The following CHKA variants were observed in gnomAD, a reference collection of about 807,000 sequenced individuals.
The protein encoded by CHKA is choline kinase alpha, also known as CHETK-alpha.
A neutral mutation model predicts 60.1 loss-of-function variants in CHKA; 34 were observed. The observed-to-expected ratio is 0.57, with a 90% CI of 0.43 to 0.75. CHKA has a LOEUF of 0.75. Among genes scored for constraint, CHKA ranks in the 30% least tolerant of loss-of-function variants. CHKA has a pLI of 0.00. For synonymous variants in CHKA, 217 were observed against 223.1 expected (o/e 0.97, Z 0.24); for missense variants, 563 against 561.3 (o/e 1.00, Z -0.03).
intron 2 of CHKA, among the ~76,000 whole-genome samples, chr11:68,088,262 C>T (rs1857249527): frequency 6.6e-6 from 1 of 151,970 alleles, no homozygotes; most frequent in Non-Finnish European, 1.5e-5. Flanking sequence ...GAAACAACTC[C>T]CAGGTCATCG....
At chr11:68,081,151 G>A (rs892100042) in intron 3 of CHKA, among the ~76,000 whole-genome samples, 4 of 152,120 alleles carry the variant, frequency 2.6e-5, no homozygotes, top group African/African-American at 7.2e-5. Flanking sequence ...GCCAACATCC[G>A]AATGCTGTTT....
At chr11:68,070,939 A>G (rs1419765461) in intron 4 of CHKA, 82 bp from the exon 5 acceptor site, 14 of 1,434,332 alleles carry the variant, frequency 9.8e-6, no homozygotes, top group Non-Finnish European at 1.3e-5. Flanking sequence ...AGGAACGAGA[A>G]GTGTTTTTGT....
intron 3 of CHKA, among the ~76,000 whole-genome samples, chr11:68,079,058 C>T (rs1590851224): frequency 6.6e-6 from 1 of 151,438 alleles, no homozygotes; most frequent in East Asian, 1.9e-4. Flanking sequence ...CTCAGCCTCC[C>T]GAGTAGCTAG....
At chr11:68,101,347 G>A (rs2153025874) in intron 1 of CHKA, among the ~76,000 whole-genome samples, 1 of 152,182 alleles carries the variant, frequency 6.6e-6, no homozygotes. Context: ...GAAATAAAAG[G>A]CATCCAAATT....
At position 68,065,766 on chromosome 11, in the gene CHKA, T is replaced by C. The variant is rs1255505429; in HGVS notation, c.1125+20A>G. The C allele has an allele frequency of 1.4e-6, 2 of 1,476,756 alleles. No homozygotes were observed. Among genetic ancestry groups the C allele is most frequent in the Admixed American group, 1.7e-5 (1 of 57,248 alleles). The allele number at this position is 1,476,756 out of a possible 1,614,324, so 91.5% of individuals were successfully genotyped here. A position where few individuals can be genotyped will look rare whatever the true frequency, so the allele number is the denominator to read the frequency against. On this transcript the variant is annotated intron_variant, in intron 9 of 11. Transcript: ENST00000265689. ...TGACATGTAATTTTCCTATCAAGTA[T>C]ACAAAAACTCATCTCCTACCTGTTG...
Position 68,081,572 on chromosome 11 carries a change from G to T in CHKA, c.463-115C>A. 3 of 791,782 alleles carry T rather than the reference G, an allele frequency of 3.8e-6. No individual in the cohort carries two copies. In the East Asian group the frequency reaches 7.8e-5, roughly 21 times the overall value. The allele number at this position is 791,782 out of a possible 1,614,324, so 49.0% of individuals were successfully genotyped here. A position where few individuals can be genotyped will look rare whatever the true frequency, so the allele number is the denominator to read the frequency against. ...CAAAACATCACAGGTCTTTAAGGAA[G>T]GTTTCTCAGCCCACCGATGTGACGG... On this transcript the variant is annotated intron_variant, in intron 2 of 11. Coordinates refer to ENST00000265689, the MANE Select transcript of CHKA (RefSeq NM_001277.3).
chr11:68,092,014 A>G (rs1857364851), intron 2 of CHKA, among the ~76,000 whole-genome samples: 1 of 152,236 alleles, frequency 6.6e-6, no homozygotes, highest in Admixed American at 6.5e-5. Context: ...CATTTTTCAA[A>G]GAAGGAGTGA....
rs1355230260 is a variant in CHKA at position 68,121,344 on chromosome 11, A to ACTGTGGAGC, written c.-176_-168dup. On this transcript the variant is annotated 5_prime_UTR_variant, in exon 1 of 12. Coordinates refer to ENST00000265689, the MANE Select transcript of CHKA (RefSeq NM_001277.3). ...GGCGGCGGCTGCGGCGACTGCGGCG[A>ACTGTGGAGC]CTGTGGAGCGGGGATGTGCTGCTGG... 1.9e-5 allele frequency: 6 copies of ACTGTGGAGC among 318,514 alleles called. No homozygotes were observed. The highest frequency in any genetic ancestry group is 2.8e-5 in the Non-Finnish European group (6 of 215,338). 19.7% of individuals were successfully genotyped at this position (318,514 alleles called of 1,614,324 possible).
chr11:68,104,302 A>C (rs1405413882), intron 1 of CHKA, among the ~76,000 whole-genome samples: 1 of 152,150 alleles, frequency 6.6e-6, no homozygotes, highest in African/African-American at 2.4e-5. Context: ...ATAGAAGTTG[A>C]GAATAGTGCT....
intron 1 of CHKA, among the ~76,000 whole-genome samples, chr11:68,110,667 G>C (rs1858098610): frequency 6.6e-6 from 1 of 152,098 alleles, no homozygotes; most frequent in Non-Finnish European, 1.5e-5. Context: ...GAAAACCCCA[G>C]CAAGTTATTT....
rs1590853232 is a variant in CHKA at position 68,080,450 on chromosome 11, T to C, written c.516+954A>G. Among the ~76,000 whole-genome samples the C allele has an allele frequency of 2.0e-5, 3 of 152,040 alleles. No individual in the cohort carries two copies. The South Asian group carries it at 6.2e-4, about 32-fold the overall frequency. ...GCAACCTCCGCCTCCCAGGTTCAAG[T>C]AATTCTCCTGCCTCAGCCTCCCAAG... On this transcript the variant is annotated intron_variant, in intron 3 of 11. Transcript: ENST00000265689.
At chr11:68,070,968 C>T (rs371321128) in intron 4 of CHKA, 111 bp from the exon 5 acceptor site, 12 of 997,504 alleles carry the variant, frequency 1.2e-5, no homozygotes, top group African/African-American at 1.1e-4. Context: ...TAAGTCTCAC[C>T]CAATGCCCCA....
intron 10 of CHKA, among the ~76,000 whole-genome samples, chr11:68,063,304 G>C (rs1476283222): frequency 2.0e-5 from 3 of 152,038 alleles, no homozygotes; most frequent in African/African-American, 7.2e-5. Context: ...TTCATGACCA[G>C]CCTGGGCAAC....
chr11:68,100,147 T>C (rs1257826540), intron 1 of CHKA, among the ~76,000 whole-genome samples: 5 of 152,168 alleles, frequency 3.3e-5, no homozygotes, highest in Non-Finnish European at 1.5e-5. Context: ...CCAGAAATGG[T>C]AGCAAAAATG....
At position 68,065,887 on chromosome 11, in the gene CHKA, C is replaced by T; in HGVS notation, c.1024G>A (p.Asp342Asn). ...EYSSYNYRGF[D>N]IGNHFCEWMY... The stretch of plus-strand genomic sequence containing the variant: ...CACTCACAGAAGTGATTTCCAATGT[C>T]GAATCCCCTGAAATAAGACATAAGA... Residue 342 changes from aspartate (D) to asparagine (N), a missense_variant, in exon 9 of 12, where the codon GAC (aspartate) becomes AAC (asparagine). Asp to Asn is a conservative substitution (Grantham distance 23). Transcript: ENST00000265689. 7.5e-6 allele frequency: 12 copies of T among 1,596,362 alleles called. No homozygotes were observed. Among genetic ancestry groups the T allele is most frequent in the Non-Finnish European group, 1.0e-5 (12 of 1,165,888 alleles).
intron 10 of CHKA, 42 bp downstream of exon 10, chr11:68,064,483 G>T: frequency 1.0e-6 from 1 of 1,000,872 alleles, no homozygotes; most frequent in Non-Finnish European, 1.5e-6. Flanking sequence ...AGTCTATAAA[G>T]AGGAAAGCTA....
At chr11:68,081,587 C>T (rs997901183) in intron 2 of CHKA, 130 bp from the exon 3 acceptor site, 3 of 676,524 alleles carry the variant, frequency 4.4e-6, no homozygotes, top group Middle Eastern at 2.5e-4. Context: ...CTCAGCCCAC[C>T]GATGTGACGG....
chr11:68,113,949 C>T (rs1858281551), intron 1 of CHKA, among the ~76,000 whole-genome samples: 1 of 151,958 alleles, frequency 6.6e-6, no homozygotes. Flanking sequence ...CGAGATCGCG[C>T]CATTGCACTC....
chr11:68,060,563 G>A (rs977521297), intron 11 of CHKA, among the ~76,000 whole-genome samples: 4 of 152,060 alleles, frequency 2.6e-5, no homozygotes, highest in Admixed American at 1.3e-4. Context: ...CAACCACCTC[G>A]GCCTCCCAAA....
Sources: allele counts gnomAD v4.1 joint callset (sites outside exome capture counted in the v4.1 genomes callset), GRCh38; gene constraint gnomAD v4.1.1; transcripts MANE v1.5; gene names NCBI Gene and HGNC (gene_info 2026-07-23, HGNC 2026-07-21).